Variants in CDH12 observed in about 807,000 individuals in gnomAD.
CDH12 encodes the protein cadherin-12.
A neutral mutation model predicts 74.1 loss-of-function variants in CDH12; 41 were observed. The observed-to-expected ratio is 0.55, with a 90% CI of 0.43 to 0.72. The LOEUF is 0.72. CDH12 is among the 30% of genes least tolerant of loss of function. CDH12 has a pLI of 0.00. For missense variants in CDH12, 945 were observed against 977.2 expected, an observed-to-expected ratio of 0.97 and a Z score of 0.44; for synonymous variants, 399 against 355.0, an observed-to-expected ratio of 1.12 and a Z score of -1.39.
At chr5:22,438,757 G>A (rs892026200) in intron 2 of CDH12, among the ~76,000 whole-genome samples, 1 of 151,392 alleles carries the variant, frequency 6.6e-6, no homozygotes, top group African/African-American at 2.4e-5. Context: ...TAATAAATTA[G>A]GCCTCTCATA....
At chr5:21,786,230 C>T (rs891282761) in intron 10 of CDH12, among the ~76,000 whole-genome samples, 11 of 152,062 alleles carry the variant, frequency 7.2e-5, no homozygotes, top group South Asian at 2.1e-4. Flanking sequence ...CTCAGCTCAC[C>T]GCAACCTCTG....
intron 6 of CDH12, among the ~76,000 whole-genome samples, chr5:21,873,982 C>T (rs1188923812): frequency 2.0e-5 from 3 of 152,184 alleles, no homozygotes; most frequent in Non-Finnish European, 4.4e-5. Flanking sequence ...GTTTGTACCA[C>T]ATTTTCTTTA....
At chr5:22,568,916 A>C (rs1739414644) in intron 1 of CDH12, among the ~76,000 whole-genome samples, 1 of 152,188 alleles carries the variant, frequency 6.6e-6, no homozygotes, top group Non-Finnish European at 1.5e-5. Context: ...GTAATCTGTT[A>C]ATCTTTTTGC....
chr5:22,308,002 T>A (rs753853887), intron 3 of CDH12, among the ~76,000 whole-genome samples: 4 of 143,974 alleles, frequency 2.8e-5, no homozygotes, highest in Non-Finnish European at 6.0e-5. Flanking sequence ...TGCCTCAGCC[T>A]CCCAAGTAGC....
At chr5:22,093,707 A>C (rs1743572872) in intron 4 of CDH12, among the ~76,000 whole-genome samples, 1 of 152,140 alleles carries the variant, frequency 6.6e-6, no homozygotes, top group Non-Finnish European at 1.5e-5. Context: ...GATGGTTGCA[A>C]CACTATGTGA....
chr5:21,826,567 T>C (rs916009994), intron 8 of CDH12, among the ~76,000 whole-genome samples: 6 of 152,156 alleles, frequency 3.9e-5, no homozygotes, highest in African/African-American at 1.4e-4. Context: ...TGGCCTGAGG[T>C]GTCTTTCCAT....
At chr5:21,979,778 C>A (rs1468362548) in intron 5 of CDH12, among the ~76,000 whole-genome samples, 2 of 151,592 alleles carry the variant, frequency 1.3e-5, no homozygotes, top group African/African-American at 4.9e-5. Flanking sequence ...CTACTACTAA[C>A]CCACATGTGG....
At chr5:22,195,811 T>G (rs1280035355) in intron 4 of CDH12, among the ~76,000 whole-genome samples, 1 of 152,206 alleles carries the variant, frequency 6.6e-6, no homozygotes, top group Non-Finnish European at 1.5e-5. Context: ...TTCTTGTTCC[T>G]AAATTTAGCT....
At chr5:22,839,428 G>C (rs546977156) in intron 1 of CDH12, among the ~76,000 whole-genome samples, 1 of 146,576 alleles carries the variant, frequency 6.8e-6, no homozygotes, top group Non-Finnish European at 1.5e-5. Flanking sequence ...GTGCTATCTC[G>C]GCTCACTGCA....
intron 1 of CDH12, among the ~76,000 whole-genome samples, chr5:22,606,351 A>G (rs977411948): frequency 6.6e-6 from 1 of 152,178 alleles, no homozygotes; most frequent in African/African-American, 2.4e-5. Context: ...GGATGTAGCC[A>G]CAACTGTACT....
At chr5:22,332,367 G>T (rs1388093326) in intron 3 of CDH12, among the ~76,000 whole-genome samples, 2 of 152,098 alleles carry the variant, frequency 1.3e-5, no homozygotes, top group African/African-American at 4.8e-5. Context: ...TATTTAAAGT[G>T]CAGAAGAAAT....
intron 2 of CDH12, among the ~76,000 whole-genome samples, chr5:22,485,602 A>G (rs536783978): frequency 3.3e-5 from 5 of 152,302 alleles, no homozygotes; most frequent in African/African-American, 1.2e-4. Context: ...GATTTAGAGT[A>G]TTATTTGTAT....
chr5:21,956,640 T>G (rs1163057905), intron 6 of CDH12, among the ~76,000 whole-genome samples: 1 of 152,084 alleles, frequency 6.6e-6, no homozygotes, highest in Admixed American at 6.6e-5. Context: ...CCAAGGCTAT[T>G]GACATTTTCT....
At chr5:22,600,821 C>G (rs1736823245) in intron 1 of CDH12, among the ~76,000 whole-genome samples, 1 of 151,880 alleles carries the variant, frequency 6.6e-6, no homozygotes, top group Non-Finnish European at 1.5e-5. Flanking sequence ...GGAAAACACA[C>G]CCCAAAAAAT....
intron 2 of CDH12, among the ~76,000 whole-genome samples, chr5:22,405,801 G>T (rs970373097): frequency 1.3e-5 from 2 of 152,080 alleles, no homozygotes; most frequent in African/African-American, 4.8e-5. Context: ...GGCAGACTTG[G>T]TTCCAGGACC....
At chr5:22,481,849 G>A (rs971607332) in intron 2 of CDH12, among the ~76,000 whole-genome samples, 1 of 151,154 alleles carries the variant, frequency 6.6e-6, no homozygotes, top group Non-Finnish European at 1.5e-5. Context: ...TTGTTAAGAG[G>A]GTAGATCTCA....
chr5:22,345,561 C>CATTTCTTT (rs2150459281), intron 3 of CDH12, among the ~76,000 whole-genome samples: 1 of 152,186 alleles, frequency 6.6e-6, no homozygotes, highest in Admixed American at 6.5e-5. Flanking sequence ...TATTTATTAA[C>CATTTCTTT]CTATTAGTTT....
At chr5:22,021,398 G>A (rs1737963821) in intron 5 of CDH12, among the ~76,000 whole-genome samples, 1 of 152,130 alleles carries the variant, frequency 6.6e-6, no homozygotes, top group Admixed American at 6.6e-5. Flanking sequence ...TATGAATAGA[G>A]CAGTCAAAAA....
intron 6 of CDH12, among the ~76,000 whole-genome samples, chr5:21,878,498 G>A (rs1752053737): frequency 1.3e-5 from 2 of 149,930 alleles, no homozygotes; most frequent in African/African-American, 2.5e-5. Context: ...GGAGGCTAAG[G>A]AAGGTGGATC....
Sources: allele counts gnomAD v4.1 joint callset (sites outside exome capture counted in the v4.1 genomes callset), GRCh38; gene constraint gnomAD v4.1.1; transcripts MANE v1.5; gene names NCBI Gene and HGNC (gene_info 2026-07-23, HGNC 2026-07-21).